Variants in TTPAL observed in about 807,000 individuals in gnomAD.
TTPAL encodes alpha tocopherol transfer protein like.
In TTPAL, 21 loss-of-function variants were observed where a neutral mutation model predicts 28.7. That is an observed-to-expected ratio of 0.73 (90% CI 0.52 to 1.06). The LOEUF is 1.06. TTPAL is among the 50% of genes least tolerant of loss of function. The pLI is 0.00. For synonymous variants in TTPAL, 169 were observed against 171.9 expected, an observed-to-expected ratio of 0.98 and a Z score of 0.13; for missense variants, 345 against 425.5, an observed-to-expected ratio of 0.81 and a Z score of 1.67.
Position 44,480,460 on chromosome 20 carries a change from G to T in TTPAL, c.445+16G>T. 6.4e-7 allele frequency: 1 copy of T among 1,568,362 alleles called. No homozygotes were observed. The highest frequency in any genetic ancestry group is 1.2e-5 in the South Asian group (1 of 84,814). ...ATCCGCCCAGGTATCTCCCTAGACT[G>T]TTGTGGGGTGTGTGTGTCCAGTCCT... is the stretch of plus-strand genomic sequence containing the variant. On this transcript the variant is annotated intron_variant, in intron 2 of 4. Coordinates refer to ENST00000262605, the MANE Select transcript of TTPAL (RefSeq NM_001039199.3). The surrounding 1 kb of genome is among the most constrained non-coding windows in gnomAD (Gnocchi z 4.1).
At position 44,484,457 on chromosome 20, in the gene TTPAL, A is replaced by G; in HGVS notation, c.566A>G (p.Tyr189Cys). The change falls in exon 3 of 5, where the codon TAC becomes TGC. Residue 189 changes from tyrosine to cysteine, a missense_variant. Coordinates refer to ENST00000262605, the MANE Select transcript of TTPAL (RefSeq NM_001039199.3). ...AATGGAATTGTAATTCTTGCAGACT[A>G]CAAAGGAGTGAGTTTATCAAAAGCA... is the stretch of plus-strand genomic sequence containing the variant. ...QVNGIVILADYKGVSLSKASH... is the reference protein window; with the variant it reads ...QVNGIVILADCKGVSLSKASH... The G allele has an allele frequency of 6.2e-7, 1 of 1,606,070 alleles. No individual in the cohort carries two copies. The highest frequency in any genetic ancestry group is 8.5e-7 in the Non-Finnish European group (1 of 1,173,182).
intron 2 of TTPAL, among the ~76,000 whole-genome samples, chr20:44,481,270 C>T (rs911775374): frequency 1.1e-4 from 16 of 152,146 alleles, no homozygotes; most frequent in African/African-American, 3.6e-4. Context: ...CCCTGCCAGG[C>T]GCAGCAGCTC....
intron 4 of TTPAL, 31 bp downstream of exon 4, chr20:44,486,737 T>C (rs779583461): frequency 3.0e-6 from 4 of 1,338,008 alleles, no homozygotes; most frequent in Middle Eastern, 1.8e-4. Flanking sequence ...CTTCAGATTT[T>C]TCTTTTCCTC....
Position 44,480,527 on chromosome 20 carries a change from TC to T in TTPAL, c.445+86del. 1 of 1,371,422 alleles carries T rather than the reference TC, an allele frequency of 7.3e-7. No homozygotes were observed. The highest frequency in any genetic ancestry group is 1.4e-5 in the South Asian group (1 of 70,982). 85.0% of individuals were successfully genotyped at this position (1,371,422 alleles called of 1,614,324 possible). A position where few individuals can be genotyped will look rare whatever the true frequency, so the allele number is the denominator to read the frequency against. On this transcript the variant is annotated intron_variant, in intron 2 of 4. Transcript: ENST00000262605. This position sits in a 1 kb window ranked among gnomAD's most constrained non-coding sequence, Gnocchi z 4.1. ...TCAGCACCCTGTCCTCCTTTCCAAG[TC>T]CCTTTTTTACCCCTCCTTTGTTATA...
At position 44,480,251 on chromosome 20, in the gene TTPAL, C is replaced by G; in HGVS notation, c.252C>G (p.Phe84Leu). 1.2e-6 allele frequency: 2 copies of G among 1,614,194 alleles called. No homozygotes were observed. Among genetic ancestry groups the G allele is most frequent in the Non-Finnish European group, 1.7e-6 (2 of 1,180,020 alleles). Residue 84 changes from phenylalanine to leucine, a missense_variant, in exon 2 of 5, where the codon TTC becomes TTG. Phe to Leu is a conservative substitution (Grantham distance 22). Coordinates refer to ENST00000262605, the MANE Select transcript of TTPAL (RefSeq NM_001039199.3). The surrounding 1 kb of genome is among the most constrained non-coding windows in gnomAD (Gnocchi z 4.1). ...TSLDDAFLLRFLRARKFDYDR... is the reference protein window; with the variant it reads ...TSLDDAFLLRLLRARKFDYDR... Reference sequence around the variant, plus strand: ...TCGACGATGCCTTCCTGCTGCGCTTCCTCCGAGCCCGCAAGTTTGATTACG... The same window carrying G: ...TCGACGATGCCTTCCTGCTGCGCTTGCTCCGAGCCCGCAAGTTTGATTACG...
At position 44,480,517 on chromosome 20, in the gene TTPAL, C is replaced by T; in HGVS notation, c.445+73C>T. The T allele has an allele frequency of 7.1e-7, 1 of 1,408,896 alleles. No homozygotes were observed. The highest frequency in any genetic ancestry group is 9.6e-7 in the Non-Finnish European group (1 of 1,047,014). 87.3% of individuals were successfully genotyped at this position (1,408,896 alleles called of 1,614,324 possible). On this transcript the variant is annotated intron_variant, in intron 2 of 4. Transcript: ENST00000262605. This position sits in a 1 kb window ranked among gnomAD's most constrained non-coding sequence, Gnocchi z 4.1. ...GTGTGTCCATTCAGCACCCTGTCCT[C>T]CTTTCCAAGTCCCTTTTTTACCCCT... is the stretch of plus-strand genomic sequence containing the variant.
intron 3 of TTPAL, 146 bp from the exon 4 acceptor site, chr20:44,486,450 G>T: frequency 1.8e-6 from 1 of 569,038 alleles, no homozygotes; most frequent in Non-Finnish European, 3.1e-6. Context: ...CGTCTTCCTA[G>T]TTAGGCCCCA....
intron 4 of TTPAL, among the ~76,000 whole-genome samples, chr20:44,487,330 T>G (rs1307019318): frequency 6.6e-6 from 1 of 151,770 alleles, no homozygotes; most frequent in Admixed American, 6.6e-5. Flanking sequence ...TAGTCTCCAC[T>G]ACTCAGGAGG....
intron 3 of TTPAL, 137 bp from the exon 4 acceptor site, chr20:44,486,459 C>T: frequency 1.7e-6 from 1 of 600,944 alleles, no homozygotes; most frequent in Non-Finnish European, 3.0e-6. Context: ...AGTTAGGCCC[C>T]ACGTGGACTG....
chr20:44,478,312 G>C (rs2064065020), intron 1 of TTPAL, among the ~76,000 whole-genome samples: 1 of 152,238 alleles, frequency 6.6e-6, no homozygotes, highest in South Asian at 2.1e-4. Flanking sequence ...GCAAGTCTCT[G>C]ACTGCAGGGC....
chr20:44,475,921 T>G lies in TTPAL; in HGVS notation c.-86T>G, dbSNP rs890667747. ...GGGCAGGCCGGGCAGGGAGTGCGGGTCGGTTCTGCGTGCGCTGCCGGACGA... is the reference window on the plus strand; with the variant it reads ...GGGCAGGCCGGGCAGGGAGTGCGGGGCGGTTCTGCGTGCGCTGCCGGACGA... On this transcript the variant is annotated 5_prime_UTR_variant, in exon 1 of 5. Transcript: ENST00000262605. The G allele has an allele frequency of 2.0e-5, 3 of 151,982 alleles. No homozygotes were observed. The highest frequency in any genetic ancestry group is 4.4e-5 in the Non-Finnish European group (3 of 68,006). The allele number at this position is 151,982 out of a possible 1,614,324, so 9.4% of individuals were successfully genotyped here. A position where few individuals can be genotyped will look rare whatever the true frequency, so the allele number is the denominator to read the frequency against.
chr20:44,489,491 T>G lies in TTPAL; in HGVS notation c.979T>G (p.Cys327Gly). 1 of 1,614,198 alleles carries G rather than the reference T, an allele frequency of 6.2e-7. No individual in the cohort carries two copies. The change falls in exon 5 of 5, where the codon TGT becomes GGT. Residue 327 changes from cysteine (C) to glycine (G), a missense_variant. Cys to Gly is a radical substitution (Grantham distance 159). Transcript: ENST00000262605. ...LPEGLTSDAQ[C>G]DDSLRAVKSQ... The stretch of plus-strand genomic sequence containing the variant: ...CGAGGGCCTGACCTCAGATGCACAG[T>G]GTGACGACTCCTTGCGAGCTGTGAA...
At chr20:44,481,686 C>T (rs1383094132) in intron 2 of TTPAL, among the ~76,000 whole-genome samples, 2 of 152,210 alleles carry the variant, frequency 1.3e-5, no homozygotes, top group African/African-American at 2.4e-5. Flanking sequence ...GGGGAGTGGA[C>T]ACCTCCATGC....
rs2064219878 is a variant in TTPAL at position 44,492,816 on chromosome 20, T to A, written c.*3275T>A. ...AGCCAAAAGTGCCACCCTGGCTTCA[T>A]GTCTTGAATTTCTAACTTGCTCTTG... On this transcript the variant is annotated 3_prime_UTR_variant, in exon 5 of 5. Coordinates refer to ENST00000262605, the MANE Select transcript of TTPAL (RefSeq NM_001039199.3). 1 of 152,374 alleles carries A rather than the reference T, an allele frequency of 6.6e-6. No individual in the cohort carries two copies. The highest frequency in any genetic ancestry group is 2.4e-5 in the African/African-American group (1 of 41,470). The allele number at this position is 152,374 out of a possible 1,614,324, so 9.4% of individuals were successfully genotyped here.
intron 4 of TTPAL, 72 bp downstream of exon 4, chr20:44,486,778 T>A (rs2064155871): frequency 1.2e-6 from 1 of 853,750 alleles, no homozygotes; most frequent in African/African-American, 1.7e-5. Context: ...CTGGTACTTG[T>A]TTATTATTTT....
intron 2 of TTPAL, among the ~76,000 whole-genome samples, chr20:44,481,562 A>G (rs1447140835): frequency 6.6e-6 from 1 of 152,220 alleles, no homozygotes; most frequent in Non-Finnish European, 1.5e-5. Context: ...CAGAGCTGAG[A>G]GAAAAATGGA....
intron 2 of TTPAL, among the ~76,000 whole-genome samples, chr20:44,482,933 C>A (rs775537071): frequency 1.1e-4 from 16 of 152,082 alleles, no homozygotes; most frequent in Non-Finnish European, 2.1e-4. Flanking sequence ...TCTCGGCTCA[C>A]TGTAACCTCT....
chr20:44,482,761 G>A (rs2064118111), intron 2 of TTPAL, among the ~76,000 whole-genome samples: 1 of 151,784 alleles, frequency 6.6e-6, no homozygotes, highest in South Asian at 2.1e-4. Flanking sequence ...TTAAATACAT[G>A]GGGTGTATTA....
intron 4 of TTPAL, among the ~76,000 whole-genome samples, chr20:44,488,834 T>C (rs1198198575): frequency 6.6e-6 from 1 of 152,096 alleles, no homozygotes; most frequent in East Asian, 1.9e-4. Context: ...GGCTAGATTA[T>C]GATGGGCCTC....
Sources: gnomAD v4.1 joint callset for allele counts (sites outside exome capture counted in the v4.1 genomes callset) on GRCh38, gnomAD v4.1.1 for gene constraint, Gnocchi (gnomAD v3.1) non-coding constraint, MANE v1.5 for transcripts, NCBI Gene and HGNC (gene_info 2026-07-23, HGNC 2026-07-21) for gene names.